The following CTNNA3 variants were observed in gnomAD, a reference collection of about 807,000 sequenced individuals.
The protein encoded by CTNNA3 is catenin alpha 3.
In CTNNA3, 76 loss-of-function variants were observed where a neutral mutation model predicts 95.7. The ratio of observed to expected loss-of-function variants is 0.79; its 90% CI spans 0.66 to 0.96. The LOEUF is 0.96. Among genes scored for constraint, CTNNA3 ranks in the 40% least tolerant of loss-of-function variants. The pLI is 0.00. For missense variants in CTNNA3, 1,191 were observed against 1,089.8 expected, an observed-to-expected ratio of 1.09 and a Z score of -1.31; for synonymous variants, 431 against 374.4, an observed-to-expected ratio of 1.15 and a Z score of -1.74.
intron 5 of CTNNA3, among the ~76,000 whole-genome samples, chr10:67,292,206 A>G (rs1231102906): frequency 6.6e-6 from 1 of 152,164 alleles, no homozygotes; most frequent in Non-Finnish European, 1.5e-5. Context: ...ACAGCAGGGC[A>G]GAGAGAAAGT....
intron 5 of CTNNA3, among the ~76,000 whole-genome samples, chr10:67,370,177 C>A (rs1843368448): frequency 6.6e-6 from 1 of 152,024 alleles, no homozygotes; most frequent in Non-Finnish European, 1.5e-5. Context: ...TAATTGAATA[C>A]TATAAAGCTG....
intron 7 of CTNNA3, among the ~76,000 whole-genome samples, chr10:66,867,457 CA>C (rs35178146): frequency 0.15 from 22,198 of 152,126 alleles, 2,107 homozygotes; most frequent in African/African-American, 0.27. Flanking sequence ...AGGCACTGCC[CA>C]GGACATTCCA....
At chr10:66,360,808 CCTTCCTTCCTTTCTTTCTTT>C (rs1388112075) in intron 12 of CTNNA3, among the ~76,000 whole-genome samples, 858 of 61,798 alleles carry the variant, frequency 0.014, 55 homozygotes, top group African/African-American at 0.052. Flanking sequence ...TTCCTTCCTT[CCTTCCTTCCTTTCTTTCTTT>C]CTTTCTTTCT....
chr10:65,947,412 C>T (rs929945523), intron 17 of CTNNA3, among the ~76,000 whole-genome samples: 5 of 152,114 alleles, frequency 3.3e-5, no homozygotes, highest in Non-Finnish European at 7.4e-5. Context: ...TGACTACTGC[C>T]ATGACTACTA....
intron 12 of CTNNA3, among the ~76,000 whole-genome samples, chr10:66,310,279 G>C (rs560548661): frequency 6.6e-6 from 1 of 151,982 alleles, no homozygotes; most frequent in Non-Finnish European, 1.5e-5. Flanking sequence ...AGTAAACTGT[G>C]ATTTTGACAT....
intron 5 of CTNNA3, among the ~76,000 whole-genome samples, chr10:67,274,419 C>T (rs548485394): frequency 7.2e-5 from 11 of 152,216 alleles, no homozygotes; most frequent in African/African-American, 2.2e-4. Context: ...TTGATTTCCA[C>T]GACCTCAATA....
rs989159411 is a variant in CTNNA3, at chr10:67,726,113, ATAT to A, written c.-2+37318_-2+37320del. Reference sequence around the variant, plus strand: ...ATAATATATAATTATATAAGATTATATATTATTATATTAGATAATATATATTAT... The same window carrying A: ...ATAATATATAATTATATAAGATTATATATTATATTAGATAATATATATTAT... On this transcript the variant is annotated intron_variant, in intron 1 of 17. Transcript: ENST00000684154. 7.0e-4 allele frequency among the ~76,000 whole-genome samples: 81 copies of A among 116,342 alleles called. No individual in the cohort carries two copies. The East Asian group carries it at 8.1e-3, about 12-fold the overall frequency. 76.3% of individuals were successfully genotyped at this position (116,342 alleles called of 152,430 possible).
chr10:67,245,773 T>C (rs955719662), intron 5 of CTNNA3, among the ~76,000 whole-genome samples: 4 of 150,704 alleles, frequency 2.7e-5, no homozygotes, highest in Admixed American at 6.7e-5. Context: ...CAGAATTTCT[T>C]GAACCTGGGA....
chr10:67,749,232 C>T (rs377431973), intron 1 of CTNNA3, among the ~76,000 whole-genome samples: 14 of 152,078 alleles, frequency 9.2e-5, no homozygotes, highest in African/African-American at 2.7e-4. Context: ...AACACCCCAC[C>T]GTCAATATTA....
At chr10:66,295,674 C>T (rs562166946) in intron 12 of CTNNA3, among the ~76,000 whole-genome samples, 1 of 152,258 alleles carries the variant, frequency 6.6e-6, no homozygotes, top group South Asian at 2.1e-4. Context: ...CCACAAATGT[C>T]GAACTTTTTC....
intron 17 of CTNNA3, among the ~76,000 whole-genome samples, chr10:65,927,176 T>C (rs549521860): frequency 1.3e-5 from 2 of 152,314 alleles, no homozygotes; most frequent in Non-Finnish European, 2.9e-5. Flanking sequence ...ACTGATTTTT[T>C]AGTTAACTCA....
At chr10:66,888,300 A>G (rs1459119221) in intron 7 of CTNNA3, among the ~76,000 whole-genome samples, 1 of 152,166 alleles carries the variant, frequency 6.6e-6, no homozygotes, top group Non-Finnish European at 1.5e-5. Flanking sequence ...TTCTGTAAAC[A>G]CTTTAAGAGT....
At chr10:66,376,601 T>C (rs1228790681) in intron 12 of CTNNA3, among the ~76,000 whole-genome samples, 3 of 152,180 alleles carry the variant, frequency 2.0e-5, no homozygotes, top group African/African-American at 7.2e-5. Context: ...GTATGGCTTA[T>C]ATTTCATCAT....
At chr10:67,308,073 A>G (rs116399220) in intron 5 of CTNNA3, among the ~76,000 whole-genome samples, 2,419 of 152,290 alleles carry the variant, frequency 0.016, 73 homozygotes, top group African/African-American at 0.054. Context: ...AACTCCAATC[A>G]TTCATGTTCT....
At chr10:65,941,666 G>A (rs556801368) in intron 17 of CTNNA3, among the ~76,000 whole-genome samples, 42 of 152,248 alleles carry the variant, frequency 2.8e-4, no homozygotes, top group African/African-American at 9.9e-4. Context: ...ATGTTACTCT[G>A]GTTAGTTCCA....
rs190636926 is a variant in CTNNA3 at position 66,065,513 on chromosome 10, A to G, written c.2159+3795T>C. Among the ~76,000 whole-genome samples the G allele has an allele frequency of 2.6e-3, 391 of 152,278 alleles. 6 individuals carry two copies. The highest frequency in any genetic ancestry group is 9.1e-3 in the African/African-American group (378 of 41,550). ...TTTTCCATTCACCATTTCGTAAAGC[A>G]AAAGTCAACAACAAATTGATTAAAT... On this transcript the variant is annotated intron_variant, in intron 15 of 17. Transcript: ENST00000433211.
At chr10:66,765,209 G>A (rs4494211) in intron 9 of CTNNA3, among the ~76,000 whole-genome samples, 121,183 of 152,156 alleles carry the variant, frequency 0.8, 48,350 homozygotes, top group African/African-American at 0.84. Flanking sequence ...CCTCCTCCCC[G>A]TGGATCCACG....
chr10:66,759,044 C>A (rs540980140), intron 9 of CTNNA3, among the ~76,000 whole-genome samples: 1 of 152,258 alleles, frequency 6.6e-6, no homozygotes, highest in Non-Finnish European at 1.5e-5. Flanking sequence ...AAAAACAATT[C>A]TATCTGAAAT....
chr10:66,322,473 G>A (rs2092202407), intron 12 of CTNNA3, among the ~76,000 whole-genome samples: 1 of 152,080 alleles, frequency 6.6e-6, no homozygotes, highest in Admixed American at 6.5e-5. Flanking sequence ...AGTTCAGTTG[G>A]AGGAGGTGAG....
Sources: allele counts gnomAD v4.1 joint callset (sites outside exome capture counted in the v4.1 genomes callset), GRCh38; gene constraint gnomAD v4.1.1; transcripts MANE v1.5; gene names NCBI Gene and HGNC (gene_info 2026-07-23, HGNC 2026-07-21).